CDYL2: variants seen among roughly 807,000 people sequenced by gnomAD.
CDYL2 encodes chromodomain Y-like protein 2.
Under a neutral mutation model 49.4 loss-of-function variants are expected in CDYL2, and 23 were observed. That is an observed-to-expected ratio of 0.47 (90% CI 0.34 to 0.66). The LOEUF (loss-of-function observed/expected upper bound fraction) is 0.66, where lower values mean the gene tolerates loss of function less well. Ranked by LOEUF, CDYL2 falls within the 30% of genes least tolerant of loss-of-function variation. The probability of loss-of-function intolerance (pLI) is 0.01; values close to 1 mark genes in which losing one functional copy is unlikely to be tolerated. For missense variants in CDYL2, 678 were observed against 656.4 expected (o/e 1.03, Z -0.36); for synonymous variants, 360 against 268.8 (o/e 1.34, Z -3.32).
chr16:80,672,535 AAAAGGAAAGGAAAGGAAAGGAAAGG>A lies in CDYL2; in HGVS notation c.616+11978_616+12002del, dbSNP rs58509953. Among the ~76,000 whole-genome samples the A allele has an allele frequency of 4.9e-3, 226 of 46,318 alleles. 2 individuals carry two copies. Among genetic ancestry groups the A allele is most frequent in the African/African-American group, 0.015 (193 of 12,646 alleles). 30.4% of individuals were successfully genotyped at this position (46,318 alleles called of 152,430 possible). A position where few individuals can be genotyped will look rare whatever the true frequency, so the allele number is the denominator to read the frequency against. ...GAAAGAAGCAAAGCAAAGGAAAAGG[AAAAGGAAAGGAAAGGAAAGGAAAGG>A]AAAGGAAAGGAAAGGAAAGGAAAGG... is the stretch of plus-strand genomic sequence containing the variant. On this transcript the variant is annotated intron_variant, in intron 2 of 6. Transcript: ENST00000570137.
chr16:80,803,665 C>T (rs1008243489), intron 1 of CDYL2, among the ~76,000 whole-genome samples: 7 of 141,786 alleles, frequency 4.9e-5, no homozygotes, highest in Non-Finnish European at 9.4e-5. Flanking sequence ...TCGCCCGCCC[C>T]CCTCCTCCCC....
chr16:80,783,473 G>T (rs1907337462), intron 1 of CDYL2, among the ~76,000 whole-genome samples: 1 of 150,726 alleles, frequency 6.6e-6, no homozygotes, highest in South Asian at 2.1e-4. Flanking sequence ...GAATTACCAT[G>T]GAACTCAGCA....
At chr16:80,717,959 G>A (rs1386523607) in intron 1 of CDYL2, among the ~76,000 whole-genome samples, 1 of 152,186 alleles carries the variant, frequency 6.6e-6, no homozygotes, top group Non-Finnish European at 1.5e-5. Context: ...GCAAGGTCAA[G>A]GATGCTGTGA....
At chr16:80,631,694 A>C (rs970739457) in intron 3 of CDYL2, among the ~76,000 whole-genome samples, 2 of 152,224 alleles carry the variant, frequency 1.3e-5, no homozygotes, top group Admixed American at 6.5e-5. Flanking sequence ...AATGCCTAAA[A>C]GTCAACCATA....
At chr16:80,689,355 C>A (rs147108821) in intron 1 of CDYL2, among the ~76,000 whole-genome samples, 1 of 152,344 alleles carries the variant, frequency 6.6e-6, no homozygotes, top group East Asian at 1.9e-4. Context: ...TTGACTGGTA[C>A]ATGCATAGTT....
chr16:80,654,456 A>C (rs1471470590), intron 2 of CDYL2, among the ~76,000 whole-genome samples: 1 of 152,216 alleles, frequency 6.6e-6, no homozygotes, highest in East Asian at 1.9e-4. Context: ...CCATTCTGGT[A>C]ATATTTGCTG....
At chr16:80,760,881 T>G (rs567373320) in intron 1 of CDYL2, among the ~76,000 whole-genome samples, 124 of 152,122 alleles carry the variant, frequency 8.2e-4, no homozygotes, top group African/African-American at 2.9e-3. Flanking sequence ...ACCCTGATGT[T>G]GAGCTGTCTC....
chr16:80,794,598 ATTTTTTTTTTTT>A (rs966789395), intron 1 of CDYL2, among the ~76,000 whole-genome samples: 4 of 66,830 alleles, frequency 6.0e-5, no homozygotes, highest in Non-Finnish European at 8.9e-5. Context: ...ATTCCCAGTG[ATTTTTTTTTTTT>A]TTTTTTTTTT....
intron 1 of CDYL2, among the ~76,000 whole-genome samples, chr16:80,750,846 G>A (rs528527099): frequency 1.0e-3 from 152 of 152,142 alleles, no homozygotes; most frequent in African/African-American, 3.1e-3. Flanking sequence ...GTGAAACCCC[G>A]TCTCTACTAA....
intron 6 of CDYL2, among the ~76,000 whole-genome samples, chr16:80,605,367 T>C (rs1227472233): frequency 6.7e-5 from 10 of 148,350 alleles, no homozygotes; most frequent in Non-Finnish European, 1.2e-4. Context: ...ATTATGTATA[T>C]GTATAATATA....
At chr16:80,778,854 G>A (rs1218881917) in intron 1 of CDYL2, among the ~76,000 whole-genome samples, 1 of 152,018 alleles carries the variant, frequency 6.6e-6, no homozygotes, top group Non-Finnish European at 1.5e-5. Flanking sequence ...TTTCATCAAT[G>A]ACAAATCGGA....
At chr16:80,696,363 T>C (rs113427777) in intron 1 of CDYL2, among the ~76,000 whole-genome samples, 49 of 151,394 alleles carry the variant, frequency 3.2e-4, no homozygotes, top group Middle Eastern at 7.0e-3. Flanking sequence ...CCGAACTCAA[T>C]AGACAAAAAG....
At chr16:80,637,714 T>A (rs1370006299) in intron 2 of CDYL2, among the ~76,000 whole-genome samples, 3 of 152,166 alleles carry the variant, frequency 2.0e-5, no homozygotes, top group African/African-American at 7.2e-5. Context: ...TACTTAACAA[T>A]AATTTATTGT....
At chr16:80,664,557 C>T (rs1909181195) in intron 2 of CDYL2, among the ~76,000 whole-genome samples, 1 of 152,194 alleles carries the variant, frequency 6.6e-6, no homozygotes, top group Non-Finnish European at 1.5e-5. Flanking sequence ...GTCCCCACCA[C>T]ATAGTGAGGG....
intron 1 of CDYL2, among the ~76,000 whole-genome samples, chr16:80,699,906 C>T (rs1029495436): frequency 4.0e-5 from 6 of 148,872 alleles, no homozygotes; most frequent in South Asian, 2.1e-4. Flanking sequence ...CTCGCTCTGT[C>T]GCCCAGGCCG....
At chr16:80,801,556 G>A (rs1185284977) in intron 1 of CDYL2, among the ~76,000 whole-genome samples, 2 of 152,292 alleles carry the variant, frequency 1.3e-5, no homozygotes, top group Non-Finnish European at 2.9e-5. Context: ...AATTACAAAC[G>A]TAAGAACTCT....
Position 80,612,953 on chromosome 16 carries a change from T to C in CDYL2, c.1008-117A>G, listed in dbSNP as rs111557525. The stretch of plus-strand genomic sequence containing the variant: ...CCCTCAGGTCGTCAGAGGTTAGAGG[T>C]GCCAGGCAAGGGCCTCATTGCCTGG... On this transcript the variant is annotated intron_variant, in intron 4 of 6. Coordinates refer to ENST00000570137, the MANE Select transcript of CDYL2 (RefSeq NM_152342.4). The surrounding 1 kb of genome is among the most constrained non-coding windows in gnomAD (Gnocchi z 5.0). The C allele has an allele frequency of 2.2e-3, 2,072 of 929,188 alleles. 28 individuals are homozygous for C. The African/African-American group carries it at 0.03, about 13-fold the overall frequency. 57.6% of individuals were successfully genotyped at this position (929,188 alleles called of 1,614,324 possible).
chr16:80,652,021 A>G (rs1002824593), intron 2 of CDYL2, among the ~76,000 whole-genome samples: 11 of 152,204 alleles, frequency 7.2e-5, no homozygotes, highest in African/African-American at 2.7e-4. Flanking sequence ...GCAGATAAAG[A>G]TGGCTGCATA....
chr16:80,803,343 G>A (rs1267772972), intron 1 of CDYL2, among the ~76,000 whole-genome samples: 7 of 152,138 alleles, frequency 4.6e-5, no homozygotes, highest in Non-Finnish European at 8.8e-5. Context: ...TGAGGGTGAC[G>A]AGAGTACTGG....
Sources: gnomAD v4.1 joint callset for allele counts (sites outside exome capture counted in the v4.1 genomes callset) on GRCh38, gnomAD v4.1.1 for gene constraint, Gnocchi (gnomAD v3.1) non-coding constraint, MANE v1.5 for transcripts, NCBI Gene and HGNC (gene_info 2026-07-23, HGNC 2026-07-21) for gene names.